The following MYH16 variants were observed in gnomAD, a reference collection of about 807,000 sequenced individuals.
MYH16 encodes the protein putative uncharacterized protein MYH16.
At chr7:99,291,378 A>C (rs1212775383) in exon 31 of MYH16, 3 of 456,564 alleles carry the variant, frequency 6.6e-6, no homozygotes, top group Non-Finnish European at 1.3e-5. Flanking sequence ...GGCTCAATCA[A>C]ATCCTACGGA....
intron 18 of MYH16, among the ~76,000 whole-genome samples, chr7:99,269,702 G>A (rs995890977): frequency 2.6e-5 from 4 of 151,990 alleles, no homozygotes; most frequent in African/African-American, 7.3e-5. Context: ...TGCTTTTATC[G>A]CTTTGCCATG....
Position 99,277,724 on chromosome 7 carries a change from C to T in MYH16, n.2659+12C>T, listed in dbSNP as rs570804889. The T allele has an allele frequency of 6.6e-6, 3 of 452,562 alleles. No individual in the cohort carries two copies. The highest frequency in any genetic ancestry group is 1.3e-5 in the Non-Finnish European group (3 of 224,624). The allele number at this position is 452,562 out of a possible 1,614,324, so 28.0% of individuals were successfully genotyped here. A position where few individuals can be genotyped will look rare whatever the true frequency, so the allele number is the denominator to read the frequency against. ...TCCAGCTGCAGGCTGTACGTGGGGTCCCCAGGGAGAAGGGTGGGAAACCCA... is the reference window on the plus strand; with the variant it reads ...TCCAGCTGCAGGCTGTACGTGGGGTTCCCAGGGAGAAGGGTGGGAAACCCA... On this transcript the variant is annotated intron_variant and non_coding_transcript_variant, in intron 21 of 41. Transcript: ENST00000439784.
chr7:99,280,613 G>A (rs932415714), intron 22 of MYH16, among the ~76,000 whole-genome samples: 1 of 152,228 alleles, frequency 6.6e-6, no homozygotes. Flanking sequence ...GTCAGGTGCA[G>A]ACTCTGGCGA....
downstream of MYH16, among the ~76,000 whole-genome samples, chr7:99,306,987 C>T (rs1008461092): frequency 6.6e-6 from 1 of 152,182 alleles, no homozygotes; most frequent in African/African-American, 2.4e-5. Context: ...GCAACAGGAA[C>T]CCCAAAGCTC....
intron 23 of MYH16, among the ~76,000 whole-genome samples, chr7:99,283,204 G>A (rs1170097593): frequency 4.6e-5 from 7 of 151,912 alleles, no homozygotes; most frequent in African/African-American, 7.3e-5. Context: ...GCTCGTGATC[G>A]TCCTGCCTCA....
chr7:99,239,739 G>A (rs549995511), intron 1 of MYH16, among the ~76,000 whole-genome samples: 4 of 152,294 alleles, frequency 2.6e-5, no homozygotes, highest in South Asian at 2.1e-4. Flanking sequence ...GCTATCAGCC[G>A]TGATGGAAGT....
At chr7:99,250,608 G>A (rs769777021) in intron 5 of MYH16, among the ~76,000 whole-genome samples, 1 of 152,196 alleles carries the variant, frequency 6.6e-6, no homozygotes, top group Non-Finnish European at 1.5e-5. Flanking sequence ...TGGGAGTGGT[G>A]GCATGTGCCT....
Position 99,283,513 on chromosome 7 carries a change from C to G in MYH16, n.2993-52C>G, listed in dbSNP as rs552004378. On this transcript the variant is annotated intron_variant and non_coding_transcript_variant, in intron 23 of 41. Coordinates refer to ENST00000439784, the Ensembl canonical transcript of MYH16. Reference sequence around the variant, plus strand: ...GCGACGACTGAGGATCAGGACTGTTCAGCTGCTCCCACTGGGCCTCGTGGC... The same window carrying G: ...GCGACGACTGAGGATCAGGACTGTTGAGCTGCTCCCACTGGGCCTCGTGGC... 410 of 454,136 alleles carry G rather than the reference C, an allele frequency of 9.0e-4. 5 individuals are homozygous for G. The highest frequency in any genetic ancestry group is 4.4e-3 in the Middle Eastern group (7 of 1,598). 28.1% of individuals were successfully genotyped at this position (454,136 alleles called of 1,614,324 possible). A position where few individuals can be genotyped will look rare whatever the true frequency, so the allele number is the denominator to read the frequency against.
intron 20 of MYH16, among the ~76,000 whole-genome samples, chr7:99,274,993 G>GA (rs981265027): frequency 1.6e-4 from 23 of 147,420 alleles, no homozygotes; most frequent in African/African-American, 3.7e-4. Flanking sequence ...TTTTATTTTG[G>GA]AAAAAAAAAA....
intron 33 of MYH16, among the ~76,000 whole-genome samples, chr7:99,294,718 C>G (rs1398751021): frequency 6.6e-6 from 1 of 151,726 alleles, no homozygotes; most frequent in Non-Finnish European, 1.5e-5. Context: ...GTGCCCACCA[C>G]CACGCCCAGC....
At chr7:99,301,120 G>C (rs957373845) in intron 37 of MYH16, among the ~76,000 whole-genome samples, 2 of 149,438 alleles carry the variant, frequency 1.3e-5, no homozygotes, top group Non-Finnish European at 3.0e-5. Context: ...ACTTGAACCC[G>C]GGAGGCGGAG....
At chr7:99,291,603 A>G (rs1342430930) in intron 31 of MYH16, among the ~76,000 whole-genome samples, 153 bp downstream of exon 12, 1 of 147,030 alleles carries the variant, frequency 6.8e-6, no homozygotes, top group East Asian at 2.0e-4. Flanking sequence ...GACCAGCCCG[A>G]ACAACACAGC....
chr7:99,281,394 C>T (rs1212498910), intron 23 of MYH16, among the ~76,000 whole-genome samples: 3 of 146,270 alleles, frequency 2.1e-5, no homozygotes, highest in African/African-American at 7.5e-5. Flanking sequence ...CCCATCTCTA[C>T]AAAAAAAAAA....
intron 20 of MYH16, among the ~76,000 whole-genome samples, chr7:99,275,423 A>T (rs556239570): frequency 1.2e-3 from 188 of 152,144 alleles, no homozygotes; most frequent in African/African-American, 3.7e-3. Context: ...CCCAGCCACA[A>T]CTTTTACTTT....
At chr7:99,257,036 A>C (rs962484105) in intron 9 of MYH16, among the ~76,000 whole-genome samples, 1 of 152,244 alleles carries the variant, frequency 6.6e-6, no homozygotes, top group African/African-American at 2.4e-5. Flanking sequence ...TTGTCACATC[A>C]TTCTGATCTA....
At chr7:99,280,027 C>T (rs765006591) in intron 22 of MYH16, among the ~76,000 whole-genome samples, 15 of 152,132 alleles carry the variant, frequency 9.9e-5, no homozygotes, top group Non-Finnish European at 1.8e-4. Flanking sequence ...GTGGCACCAC[C>T]ACACCCGGCT....
chr7:99,296,638 G>A (rs527686863), intron 33 of MYH16, 63 bp from the exon 15 acceptor site: 8 of 443,196 alleles, frequency 1.8e-5, no homozygotes, highest in Admixed American at 1.4e-4. Context: ...TGGTGGGGGG[G>A]TGGGAGTAGG....
At chr7:99,260,273 T>C in exon 12 of MYH16, 2 of 1,584,578 alleles carry the variant, frequency 1.3e-6, no homozygotes, top group East Asian at 2.3e-5. Flanking sequence ...AGGGAAGGCA[T>C]CGAGTGGGTC....
chr7:99,259,546 C>G (rs57071179), intron 11 of MYH16, among the ~76,000 whole-genome samples: 5,196 of 152,014 alleles, frequency 0.034, 277 homozygotes, highest in African/African-American at 0.12. Flanking sequence ...GCAACCTCCG[C>G]CTCCAGGGTT....
Sources: allele counts gnomAD v4.1 joint callset (sites outside exome capture counted in the v4.1 genomes callset), GRCh38; gene constraint gnomAD v4.1.1; transcripts MANE v1.5; gene names NCBI Gene and HGNC (gene_info 2026-07-23, HGNC 2026-07-21).